Variants in LUC7L3 observed in about 807,000 individuals in gnomAD.
LUC7L3 encodes luc7-like protein 3.
Under a neutral mutation model 66.8 loss-of-function variants are expected in LUC7L3, and 6 were observed. The observed-to-expected ratio is 0.09, with a 90% CI of 0.05 to 0.18. LUC7L3 has a LOEUF of 0.18. LUC7L3 is among the 10% of genes least tolerant of loss of function. LUC7L3 has a pLI of 1.00. For synonymous variants in LUC7L3, 160 were observed against 174.7 expected, an observed-to-expected ratio of 0.92 and a Z score of 0.66; for missense variants, 341 against 531.1, an observed-to-expected ratio of 0.64 and a Z score of 3.52.
chr17:50,744,558 C>A, intron 6 of LUC7L3, 94 bp from the exon 7 acceptor site: 1 of 1,167,778 alleles, frequency 8.6e-7, no homozygotes, highest in Non-Finnish European at 1.2e-6. Flanking sequence ...GAGCAATTCA[C>A]ACACATTAGA....
chr17:50,738,251 C>G, intron 2 of LUC7L3: 1 of 402,690 alleles, frequency 2.5e-6, no homozygotes, highest in Non-Finnish European at 4.9e-6. Context: ...CCTGATTTTC[C>G]TATGATAAAG....
At chr17:50,725,358 C>G (rs567191221) in intron 1 of LUC7L3, among the ~76,000 whole-genome samples, 3 of 151,874 alleles carry the variant, frequency 2.0e-5, no homozygotes, top group Admixed American at 1.3e-4. Context: ...TGCAGTGAGC[C>G]GAGATCACGC....
At chr17:50,739,649 A>C (rs995480028) in intron 2 of LUC7L3, among the ~76,000 whole-genome samples, 3 of 89,522 alleles carry the variant, frequency 3.4e-5, no homozygotes, top group African/African-American at 1.1e-4. Context: ...GCAAGACTCT[A>C]TCTCAAAAAA....
At chr17:50,738,286 G>A (rs1033518329) in intron 2 of LUC7L3, 3 of 267,978 alleles carry the variant, frequency 1.1e-5, no homozygotes, top group Non-Finnish European at 2.3e-5. Flanking sequence ...GACAAACCCT[G>A]CCTAATCCCT....
At chr17:50,749,262 GACA>G (rs1055936467) in intron 9 of LUC7L3, 8 of 1,289,100 alleles carry the variant, frequency 6.2e-6, no homozygotes, top group African/African-American at 4.6e-5. Context: ...TCCTCTACGG[GACA>G]ACAAGACGAC....
chr17:50,727,631 AC>A (rs1395974496), intron 1 of LUC7L3, among the ~76,000 whole-genome samples: 2 of 152,200 alleles, frequency 1.3e-5, no homozygotes, highest in African/African-American at 4.8e-5. Context: ...GTCTTTAAAT[AC>A]ATTTACCTAA....
intron 3 of LUC7L3, 27 bp downstream of exon 3, chr17:50,740,372 C>T (rs753780103): frequency 4.4e-6 from 7 of 1,586,954 alleles, no homozygotes; most frequent in Non-Finnish European, 6.0e-6. Flanking sequence ...GTCATTTCCA[C>T]CCCCCCAGTT....
chr17:50,738,643 GA>G, intron 2 of LUC7L3, among the ~76,000 whole-genome samples: 1 of 152,238 alleles, frequency 6.6e-6, no homozygotes, highest in Non-Finnish European at 1.5e-5. Context: ...AGAAAGATTT[GA>G]AAATAAAATT....
At chr17:50,743,836 C>T (rs747592584) in intron 6 of LUC7L3, 26 bp downstream of exon 6, 1 of 1,492,396 alleles carries the variant, frequency 6.7e-7, no homozygotes, top group Non-Finnish European at 9.3e-7. Context: ...TTCACATTAT[C>T]TCATCTGTCT....
chr17:50,723,538 G>A (rs570772435), intron 1 of LUC7L3: 1 of 152,434 alleles, frequency 6.6e-6, no homozygotes, highest in South Asian at 2.1e-4. Context: ...ATGCATGATG[G>A]CATCTATTAA....
intron 8 of LUC7L3, 122 bp from the exon 9 acceptor site, chr17:50,746,420 C>G (rs1224177948): frequency 7.1e-6 from 6 of 845,774 alleles, no homozygotes; most frequent in Admixed American, 2.5e-5. Context: ...CTTAAGATTT[C>G]TAATGTAAAT....
In LUC7L3 at chr17:50,750,849, T is replaced by C. The variant is rs1424970460; in HGVS notation, c.*188T>C. 1 of 1,538,276 alleles carries C rather than the reference T, an allele frequency of 6.5e-7. No individual in the cohort carries two copies. Among genetic ancestry groups the C allele is most frequent in the Non-Finnish European group, 8.7e-7 (1 of 1,147,092 alleles). On this transcript the variant is annotated 3_prime_UTR_variant, in exon 10 of 10. Coordinates refer to ENST00000505658, the MANE Select transcript of LUC7L3 (RefSeq NM_016424.5). ...GACAGTGTAGTCCTGCAAAACATTTTGAGGTACATTGTTTTGTCTCAGCTA... is the reference window on the plus strand; with the variant it reads ...GACAGTGTAGTCCTGCAAAACATTTCGAGGTACATTGTTTTGTCTCAGCTA...
intron 1 of LUC7L3, among the ~76,000 whole-genome samples, chr17:50,726,152 G>T (rs547211316): frequency 1.0e-5 from 1 of 98,116 alleles, no homozygotes; most frequent in Non-Finnish European, 2.2e-5. Flanking sequence ...TTGCAATACC[G>T]TATAAACTTG....
At chr17:50,741,840 T>C in intron 5 of LUC7L3, 109 bp downstream of exon 5, 1 of 777,080 alleles carries the variant, frequency 1.3e-6, no homozygotes, top group Middle Eastern at 3.2e-4. Flanking sequence ...ATCCCAGCAC[T>C]TTGGGAGGCC....
chr17:50,736,738 T>C, intron 1 of LUC7L3: 1 of 451,304 alleles, frequency 2.2e-6, no homozygotes. Flanking sequence ...TAAAAATAGA[T>C]AAAGAAAATA....
intron 1 of LUC7L3, among the ~76,000 whole-genome samples, chr17:50,726,478 C>T (rs906416385): frequency 6.6e-6 from 1 of 152,028 alleles, no homozygotes; most frequent in African/African-American, 2.4e-5. Context: ...GGCCTATGTA[C>T]AATACCATGA....
chr17:50,748,733 CTG>C (rs1286616078), intron 9 of LUC7L3, among the ~76,000 whole-genome samples: 1 of 152,070 alleles, frequency 6.6e-6, no homozygotes, highest in African/African-American at 2.4e-5. Context: ...ACTAAGAAAA[CTG>C]TATCAGGCTT....
At position 50,721,729 on chromosome 17, in the gene LUC7L3, T is replaced by C. The variant is rs796090730; in HGVS notation, c.99+1898T>C. ...CCGGGTCATCTGCATATTCTTGTAC[T>C]GTTGGCTGTTAGTGCTAAACCTGCA... On this transcript the variant is annotated intron_variant, in intron 1 of 9. Coordinates refer to ENST00000505658, the MANE Select transcript of LUC7L3 (RefSeq NM_016424.5). Among the ~76,000 whole-genome samples, 13 of 152,358 alleles carry C rather than the reference T, an allele frequency of 8.5e-5. No homozygotes were observed. In the South Asian group the frequency reaches 1.0e-3, roughly 12 times the overall value.
chr17:50,722,855 AGTC>A (rs1279117478), intron 1 of LUC7L3: 1 of 152,246 alleles, frequency 6.6e-6, no homozygotes, highest in Non-Finnish European at 1.5e-5. Context: ...GCTAAAGTGA[AGTC>A]GGCTTTAATA....
Sources: allele counts gnomAD v4.1 joint callset (sites outside exome capture counted in the v4.1 genomes callset), GRCh38; gene constraint gnomAD v4.1.1; transcripts MANE v1.5; gene names NCBI Gene and HGNC (gene_info 2026-07-23, HGNC 2026-07-21).